The following POU6F2 variants were observed in gnomAD, a reference collection of about 807,000 sequenced individuals.
The protein encoded by POU6F2 is POU domain, class 6, transcription factor 2.
POU6F2 carries 31 observed loss-of-function variants against 71.3 expected under a neutral mutation model. That is an observed-to-expected ratio of 0.43 (90% CI 0.33 to 0.59). The LOEUF (loss-of-function observed/expected upper bound fraction) is 0.59. Ranked by LOEUF, POU6F2 falls within the 20% of genes least tolerant of loss-of-function variation. The probability of loss-of-function intolerance (pLI) is 0.04; values close to 1 mark genes in which losing one functional copy is unlikely to be tolerated. For synonymous variants in POU6F2, 347 were observed against 355.7 expected (o/e 0.98, Z 0.27); for missense variants, 783 against 856.8 (o/e 0.91, Z 1.07).
chr7:39,007,548 T>C (rs577344614), intron 1 of POU6F2, among the ~76,000 whole-genome samples: 1 of 152,320 alleles, frequency 6.6e-6, no homozygotes, highest in African/African-American at 2.4e-5. Context: ...TATTATACTT[T>C]AAGTTTTAGG....
intron 1 of POU6F2, among the ~76,000 whole-genome samples, chr7:39,059,999 G>A (rs762381470): frequency 1.3e-5 from 2 of 152,128 alleles, no homozygotes; most frequent in Admixed American, 1.3e-4. Flanking sequence ...CATGAGGTTA[G>A]GAGTTTGAGA....
intron 2 of POU6F2, among the ~76,000 whole-genome samples, chr7:39,164,680 A>G (rs896009286): frequency 2.0e-5 from 3 of 152,004 alleles, no homozygotes; most frequent in Non-Finnish European, 2.9e-5. Flanking sequence ...TGTGGCCAGC[A>G]TGGGGGAAGC....
At chr7:39,189,283 C>T (rs192048482) in intron 2 of POU6F2, among the ~76,000 whole-genome samples, 1 of 152,366 alleles carries the variant, frequency 6.6e-6, no homozygotes, top group East Asian at 1.9e-4. Flanking sequence ...TTGTCCAAAC[C>T]ACAAAATGAC....
At chr7:39,142,269 C>T (rs1261606293) in intron 2 of POU6F2, among the ~76,000 whole-genome samples, 1 of 152,190 alleles carries the variant, frequency 6.6e-6, no homozygotes, top group Non-Finnish European at 1.5e-5. Flanking sequence ...TGTGCCTTTG[C>T]AGGAATCTCT....
chr7:39,268,423 A>C lies in POU6F2; in HGVS notation c.598+60803A>C, dbSNP rs147991784. ...CACCAGCAGAAGGATGGCAGTACAT[A>C]AAGTACTGAGGCGGAAGGTGCTTGA... On this transcript the variant is annotated intron_variant, in intron 4 of 9. Coordinates refer to ENST00000518318, the MANE Select transcript of POU6F2 (RefSeq NM_001370959.1). Among the ~76,000 whole-genome samples, 345 of 152,248 alleles carry C rather than the reference A, an allele frequency of 2.3e-3. 1 individual carries two copies. The highest frequency in any genetic ancestry group is 8.1e-3 in the African/African-American group (338 of 41,544).
At chr7:39,143,656 G>A (rs1401432378) in intron 2 of POU6F2, among the ~76,000 whole-genome samples, 7 of 152,162 alleles carry the variant, frequency 4.6e-5, no homozygotes, top group African/African-American at 1.7e-4. Context: ...TCCCAGAGCT[G>A]AGGTTTTTGT....
intron 2 of POU6F2, among the ~76,000 whole-genome samples, chr7:39,147,193 A>T (rs899442043): frequency 6.6e-6 from 1 of 152,192 alleles, no homozygotes; most frequent in African/African-American, 2.4e-5. Flanking sequence ...AAAAATTCTT[A>T]GGTTGTATAT....
intron 4 of POU6F2, among the ~76,000 whole-genome samples, chr7:39,321,875 A>T (rs1476262443): frequency 6.6e-6 from 1 of 151,958 alleles, no homozygotes; most frequent in East Asian, 1.9e-4. Context: ...TAAACATTGT[A>T]TATATTTATA....
chr7:39,056,091 A>G (rs975319947), intron 1 of POU6F2, among the ~76,000 whole-genome samples: 2 of 151,904 alleles, frequency 1.3e-5, no homozygotes, highest in Admixed American at 6.6e-5. Flanking sequence ...CCAGTTCTCA[A>G]TATTTTCAGC....
intron 2 of POU6F2, among the ~76,000 whole-genome samples, chr7:39,114,579 A>ATT (rs34897526): frequency 1.7e-4 from 26 of 151,796 alleles, no homozygotes; most frequent in Admixed American, 4.6e-4. Flanking sequence ...TAAAAAGGTG[A>ATT]TTTTTTTTTC....
rs376945149 is a variant in POU6F2, at chr7:39,461,177, T to C, written c.1658+462T>C. 1.1e-4 allele frequency among the ~76,000 whole-genome samples: 17 copies of C among 152,326 alleles called. No homozygotes were observed. In the East Asian group the frequency reaches 3.3e-3, roughly 29 times the overall value. On this transcript the variant is annotated intron_variant, in intron 9 of 9. Transcript: ENST00000518318. ...AAAAAAAATTAACTATCTTGTGACC[T>C]TGAAGGTTTTAACTTGCCTTCCCAG... is the stretch of plus-strand genomic sequence containing the variant.
intron 2 of POU6F2, among the ~76,000 whole-genome samples, chr7:39,144,119 C>T (rs767509916): frequency 9.9e-5 from 15 of 152,148 alleles, no homozygotes; most frequent in Non-Finnish European, 1.8e-4. Context: ...ACTGAGAATA[C>T]GAAATTGAAC....
At chr7:39,275,485 T>C (rs1349239617) in intron 4 of POU6F2, among the ~76,000 whole-genome samples, 1 of 152,192 alleles carries the variant, frequency 6.6e-6, no homozygotes, top group Non-Finnish European at 1.5e-5. Context: ...CCCAAGGTAA[T>C]TTATAGATTC....
At chr7:39,050,160 C>T (rs1329048542) in intron 1 of POU6F2, among the ~76,000 whole-genome samples, 1 of 151,894 alleles carries the variant, frequency 6.6e-6, no homozygotes, top group Non-Finnish European at 1.5e-5. Flanking sequence ...GTGGACACTA[C>T]TCTCTGCTTA....
At chr7:39,423,916 G>A (rs1860115) in intron 6 of POU6F2, among the ~76,000 whole-genome samples, 45,178 of 152,028 alleles carry the variant, frequency 0.3, 7,145 homozygotes, top group East Asian at 0.55. Context: ...TTCCAACATC[G>A]TGCCTGTCTT....
chr7:39,446,131 A>G (rs542073750), intron 7 of POU6F2, among the ~76,000 whole-genome samples: 1 of 152,356 alleles, frequency 6.6e-6, no homozygotes, highest in South Asian at 2.1e-4. Context: ...AAAAATGCCA[A>G]CTAGGGCAGG....
At chr7:39,440,431 G>A (rs1393697947) in intron 7 of POU6F2, among the ~76,000 whole-genome samples, 1 of 152,036 alleles carries the variant, frequency 6.6e-6, no homozygotes, top group East Asian at 1.9e-4. Context: ...ATTTCAGCAA[G>A]ATGGTCTTTA....
chr7:39,275,624 A>G (rs1345189112), intron 4 of POU6F2, among the ~76,000 whole-genome samples: 3 of 152,354 alleles, frequency 2.0e-5, no homozygotes, highest in Middle Eastern at 3.4e-3. Context: ...ACAAAGCTGG[A>G]GGCATCGTGC....
At chr7:39,297,190 T>TACAC (rs1554339590) in intron 4 of POU6F2, among the ~76,000 whole-genome samples, 7 of 118,106 alleles carry the variant, frequency 5.9e-5, no homozygotes, top group African/African-American at 2.1e-4. Context: ...CAAACACACA[T>TACAC]ACACATACAC....
Sources: gnomAD v4.1 joint callset for allele counts (sites outside exome capture counted in the v4.1 genomes callset) on GRCh38, gnomAD v4.1.1 for gene constraint, MANE v1.5 for transcripts, NCBI Gene and HGNC (gene_info 2026-07-23, HGNC 2026-07-21) for gene names.